The following COL24A1 variants were observed in gnomAD, a reference collection of about 807,000 sequenced individuals.
The protein encoded by COL24A1 is collagen type XXIV alpha 1 chain.
A neutral mutation model predicts 253.9 loss-of-function variants in COL24A1; 224 were observed. That is an observed-to-expected ratio of 0.88 (90% CI 0.79 to 0.99). The LOEUF (loss-of-function observed/expected upper bound fraction) is 0.99, where lower values mean the gene tolerates loss of function less well. Ranked by LOEUF, COL24A1 falls within the 50% of genes least tolerant of loss-of-function variation. The probability of loss-of-function intolerance (pLI) is 0.00; values close to 1 mark genes in which losing one functional copy is unlikely to be tolerated. For synonymous variants in COL24A1, 685 were observed against 673.7 expected, an observed-to-expected ratio of 1.02 and a Z score of -0.26; for missense variants, 2,131 against 2,068.5, an observed-to-expected ratio of 1.03 and a Z score of -0.59.
chr1:86,153,297 T>G (rs1653026515), intron 1 of COL24A1, among the ~76,000 whole-genome samples: 1 of 151,924 alleles, frequency 6.6e-6, no homozygotes, highest in South Asian at 2.1e-4. Flanking sequence ...ATTTGCTATT[T>G]CCTTTATTAG....
chr1:85,877,455 C>G (rs1427571791), intron 32 of COL24A1, among the ~76,000 whole-genome samples: 1 of 152,168 alleles, frequency 6.6e-6, no homozygotes, highest in Non-Finnish European at 1.5e-5. Flanking sequence ...CTCCGCCTCC[C>G]AGGTTCAAGC....
chr1:86,120,974 G>A (rs576880649), intron 3 of COL24A1, among the ~76,000 whole-genome samples: 71 of 152,296 alleles, frequency 4.7e-4, no homozygotes, highest in African/African-American at 1.6e-3. Context: ...AAAAAAGGAT[G>A]AGTTCATGTC....
At chr1:85,884,824 C>T (rs965284172) in intron 32 of COL24A1, among the ~76,000 whole-genome samples, 1 of 152,126 alleles carries the variant, frequency 6.6e-6, no homozygotes, top group African/African-American at 2.4e-5. Context: ...TCTCCCTCTG[C>T]TGGAAGTCAG....
At chr1:85,919,798 T>C (rs1686266301) in intron 24 of COL24A1, among the ~76,000 whole-genome samples, 1 of 152,206 alleles carries the variant, frequency 6.6e-6, no homozygotes, top group Non-Finnish European at 1.5e-5. Context: ...TGGGCAAAAA[T>C]AACTTTCTGT....
chr1:85,864,344 G>A (rs1392751781), intron 37 of COL24A1, among the ~76,000 whole-genome samples: 16 of 148,406 alleles, frequency 1.1e-4, no homozygotes, highest in Non-Finnish European at 2.1e-4. Context: ...GGTGGGAATT[G>A]CACAATGAGA....
chr1:86,125,559 G>T lies in COL24A1; in HGVS notation c.777C>A (p.Leu259=), dbSNP rs1219694848. The part of the protein sequence containing the change: ...QPETSIPCTT[L]IPTKIPEHSP... ...AGTGTTCCGGTATCTTTGTTGGTAT[G>T]AGAGTTGTACAAGGAATGCTTGTTT... The change falls in exon 3 of 60, where the codon CTC becomes CTA. Residue 259 remains leucine (L), a synonymous_variant. Transcript: ENST00000370571. 6.2e-7 allele frequency: 1 copy of T among 1,613,602 alleles called. No homozygotes were observed. Among genetic ancestry groups the T allele is most frequent in the African/African-American group, 1.3e-5 (1 of 74,994 alleles).
At chr1:85,981,311 A>G (rs1693235974) in intron 20 of COL24A1, among the ~76,000 whole-genome samples, 1 of 152,220 alleles carries the variant, frequency 6.6e-6, no homozygotes, top group Non-Finnish European at 1.5e-5. Flanking sequence ...CCAATGGGCC[A>G]GACAAGAGAA....
At chr1:85,782,729 T>C (rs528598610) in intron 51 of COL24A1, among the ~76,000 whole-genome samples, 25 of 152,334 alleles carry the variant, frequency 1.6e-4, no homozygotes, top group Admixed American at 1.4e-3. Flanking sequence ...TGCTTCCCTT[T>C]TTCCTCTCTC....
chr1:85,877,175 C>A lies in COL24A1; in HGVS notation c.2977G>T (p.Gly993Ter). The A allele has an allele frequency of 6.3e-7, 1 of 1,591,762 alleles. No individual in the cohort carries two copies. Among genetic ancestry groups the A allele is most frequent in the Non-Finnish European group, 8.5e-7 (1 of 1,170,620 alleles). The stretch of plus-strand genomic sequence containing the variant: ...ACATCACCTTGCAGTCCTCGCAGTC[C>A]CTATATTAAAATAAAATTTAAGATA... ...TGDRGLPGEPGLRGLQGDVGP... is the reference protein window; with the variant it reads ...TGDRGLPGEP The change falls in exon 33 of 60, where the codon GGA (glycine) becomes TGA (stop). Residue 993 changes from glycine (G) to a stop codon, truncating the protein, a stop_gained and splice_region_variant. Transcript: ENST00000370571. LOFTEE classifies it high-confidence loss of function.
intron 22 of COL24A1, among the ~76,000 whole-genome samples, chr1:85,969,931 T>C (rs1187104957): frequency 1.3e-5 from 2 of 152,236 alleles, no homozygotes; most frequent in East Asian, 3.9e-4. Context: ...ATTACTAAAA[T>C]GGCTAAAGTA....
chr1:85,907,044 G>A, intron 28 of COL24A1, 150 bp downstream of exon 28: 2 of 549,338 alleles, frequency 3.6e-6, no homozygotes, highest in Non-Finnish European at 6.5e-6. Context: ...ATTAACATAG[G>A]GCATTCATCT....
intron 19 of COL24A1, among the ~76,000 whole-genome samples, chr1:86,003,885 G>T (rs1260545778): frequency 6.6e-6 from 1 of 152,134 alleles, no homozygotes; most frequent in African/African-American, 2.4e-5. Context: ...ATGCCCACCA[G>T]GAAGCATATA....
chr1:85,731,639 T>G (rs1418070270), intron 59 of COL24A1, among the ~76,000 whole-genome samples: 1 of 152,210 alleles, frequency 6.6e-6, no homozygotes, highest in Non-Finnish European at 1.5e-5. Flanking sequence ...GTTCTTATAG[T>G]GCTTGTGAAA....
chr1:85,796,684 CTT>C (rs1670837710), intron 47 of COL24A1, among the ~76,000 whole-genome samples: 1 of 152,106 alleles, frequency 6.6e-6, no homozygotes, highest in South Asian at 2.1e-4. Flanking sequence ...TGCATGTAAG[CTT>C]AACCATTTAT....
intron 24 of COL24A1, among the ~76,000 whole-genome samples, chr1:85,935,986 C>T (rs1054274308): frequency 2.7e-5 from 4 of 147,496 alleles, no homozygotes; most frequent in African/African-American, 9.9e-5. Context: ...CATTTGGGCC[C>T]AATGTCTGAC....
intron 24 of COL24A1, among the ~76,000 whole-genome samples, chr1:85,936,911 C>T (rs1309278728): frequency 6.8e-6 from 1 of 146,988 alleles, no homozygotes; most frequent in Non-Finnish European, 1.5e-5. Context: ...CACAGGACAC[C>T]AAATGACTAC....
intron 24 of COL24A1, 73 bp downstream of exon 24, chr1:85,961,176 C>T (rs1009533621): frequency 2.0e-5 from 22 of 1,107,444 alleles, no homozygotes; most frequent in Admixed American, 3.7e-5. Flanking sequence ...CTATAGCAAA[C>T]GTAATCATGG....
chr1:85,900,411 G>A (rs763588058), intron 28 of COL24A1, among the ~76,000 whole-genome samples: 62 of 152,108 alleles, frequency 4.1e-4, no homozygotes, highest in Non-Finnish European at 6.3e-4. Flanking sequence ...AGCTGAGGAG[G>A]GAGGATCACT....
chr1:85,822,134 T>C (rs1286260872), intron 45 of COL24A1, among the ~76,000 whole-genome samples: 1 of 152,194 alleles, frequency 6.6e-6, no homozygotes, highest in Non-Finnish European at 1.5e-5. Flanking sequence ...ATGATATTTT[T>C]ATTTATTAAT....
Sources: gnomAD v4.1 joint callset for allele counts (sites outside exome capture counted in the v4.1 genomes callset) on GRCh38, gnomAD v4.1.1 for gene constraint, MANE v1.5 for transcripts, NCBI Gene and HGNC (gene_info 2026-07-23, HGNC 2026-07-21) for gene names.